The following BORCS5 variants were observed in gnomAD, a reference collection of about 807,000 sequenced individuals.
The protein encoded by BORCS5 is BLOC-1 related complex subunit 5.
In BORCS5, 17 loss-of-function variants were observed where a neutral mutation model predicts 22.1. The observed-to-expected ratio is 0.77, with a 90% CI of 0.53 to 1.15. The LOEUF (loss-of-function observed/expected upper bound fraction) is 1.15, where lower values mean the gene tolerates loss of function less well. BORCS5 is among the 50% of genes most tolerant of loss of function. The pLI is 0.00. For missense variants in BORCS5, 247 were observed against 253.2 expected, an observed-to-expected ratio of 0.98 and a Z score of 0.17; for synonymous variants, 117 against 99.8, an observed-to-expected ratio of 1.17 and a Z score of -1.03.
chr12:12,459,302 C>G (rs747949670), intron 3 of BORCS5, among the ~76,000 whole-genome samples: 2 of 151,888 alleles, frequency 1.3e-5, no homozygotes, highest in Admixed American at 6.6e-5. Flanking sequence ...TTGCATACCC[C>G]AAGGTAGCAA....
chr12:12,418,211 T>C (rs1715269224), intron 2 of BORCS5, among the ~76,000 whole-genome samples: 1 of 150,278 alleles, frequency 6.7e-6, no homozygotes, highest in Non-Finnish European at 1.5e-5. Flanking sequence ...GTTTTTTTTT[T>C]TGTTTTTTTA....
chr12:12,434,437 T>C (rs147023272), intron 2 of BORCS5, among the ~76,000 whole-genome samples: 1 of 152,322 alleles, frequency 6.6e-6, no homozygotes, highest in African/African-American at 2.4e-5. Context: ...AAGACCCTGC[T>C]AGGGAATCTC....
intron 3 of BORCS5, chr12:12,452,038 T>C (rs1252811418): frequency 7.9e-6 from 3 of 379,382 alleles, no homozygotes; most frequent in African/African-American, 4.3e-5. Context: ...TGTCCTCCTC[T>C]ATTTTTGGTA....
intron 2 of BORCS5, among the ~76,000 whole-genome samples, chr12:12,401,894 T>A (rs1467019337): frequency 2.1e-5 from 3 of 143,698 alleles, no homozygotes; most frequent in African/African-American, 5.1e-5. Context: ...CTGTCTCTAC[T>A]AAAAAAAAAA....
At chr12:12,389,675 G>A (rs1416005452) in intron 2 of BORCS5, among the ~76,000 whole-genome samples, 3 of 150,792 alleles carry the variant, frequency 2.0e-5, no homozygotes, top group African/African-American at 4.9e-5. Flanking sequence ...ACAGAGTCTC[G>A]CTCTGTCGCC....
At chr12:12,440,646 AGG>A (rs936295859) in intron 3 of BORCS5, among the ~76,000 whole-genome samples, 6 of 148,776 alleles carry the variant, frequency 4.0e-5, no homozygotes, top group Non-Finnish European at 8.9e-5. Context: ...TGAGAGGAAG[AGG>A]GGGGCATTGC....
At chr12:12,430,365 G>T (rs948238171) in intron 2 of BORCS5, among the ~76,000 whole-genome samples, 1 of 151,882 alleles carries the variant, frequency 6.6e-6, no homozygotes, top group Non-Finnish European at 1.5e-5. Flanking sequence ...GTTAGCCAGG[G>T]TGGTCTCGAT....
rs1295526214 is a variant in BORCS5, at chr12:12,411,709, GT to G, written c.203-23915del. Among the ~76,000 whole-genome samples, 4 of 152,006 alleles carry G rather than the reference GT, an allele frequency of 2.6e-5. No homozygotes were observed. In the East Asian group the frequency reaches 7.7e-4, roughly 29 times the overall value. ...TCAGTGTCATGAAACTTTTGCCTGC[GT>G]TTTCTCACTATAGGAAACTATAGTA... On this transcript the variant is annotated intron_variant, in intron 2 of 3. Transcript: ENST00000314565.
Position 12,470,139 on chromosome 12 carries a change from C to T in BORCS5, c.*4363C>T, listed in dbSNP as rs978120947. 2.6e-5 allele frequency among the ~76,000 whole-genome samples: 4 copies of T among 152,128 alleles called. No homozygotes were observed. Among genetic ancestry groups the T allele is most frequent in the South Asian group, 4.1e-4 (2 of 4,824 alleles). On this transcript the variant is annotated 3_prime_UTR_variant, in exon 4 of 4. Transcript: ENST00000314565. The stretch of plus-strand genomic sequence containing the variant: ...AGGCTGGAGTGCAGTGGCACGATCT[C>T]GGCTCACTGCAACCTCCGCCTCCCG...
intron 2 of BORCS5, among the ~76,000 whole-genome samples, chr12:12,395,907 G>C (rs1396102426): frequency 6.6e-6 from 1 of 152,048 alleles, no homozygotes; most frequent in Non-Finnish European, 1.5e-5. Context: ...TGGGTGCCAG[G>C]AATAAAAAGA....
At chr12:12,379,531 T>C (rs762405993) in intron 2 of BORCS5, among the ~76,000 whole-genome samples, 23 of 151,716 alleles carry the variant, frequency 1.5e-4, no homozygotes, top group Admixed American at 2.6e-4. Context: ...AACTAAGTTA[T>C]CTACTGAGAG....
chr12:12,415,576 A>AAGGGGGGGGGGGGGGGGG (rs1404626287), intron 2 of BORCS5, among the ~76,000 whole-genome samples: 1 of 37,878 alleles, frequency 2.6e-5, no homozygotes, highest in African/African-American at 1.0e-4. Flanking sequence ...GGGGAGGGGG[A>AAGGGGGGGGGGGGGGGGG]GGGGCGATTT....
At chr12:12,389,481 T>G (rs1863954987) in intron 2 of BORCS5, among the ~76,000 whole-genome samples, 3 of 151,540 alleles carry the variant, frequency 2.0e-5, no homozygotes, top group Admixed American at 1.3e-4. Flanking sequence ...CTAATTAGTT[T>G]TATATACCTC....
chr12:12,360,564 GA>G (rs1455514447), intron 1 of BORCS5, among the ~76,000 whole-genome samples: 10 of 117,748 alleles, frequency 8.5e-5, no homozygotes, highest in Non-Finnish European at 1.7e-5. Context: ...CTAATTAAAA[GA>G]AATTTTTTTT....
chr12:12,436,402 A>G (rs2136125947), intron 3 of BORCS5, among the ~76,000 whole-genome samples: 1 of 152,386 alleles, frequency 6.6e-6, no homozygotes, highest in Middle Eastern at 3.4e-3. Context: ...GTAAATAGGT[A>G]CTTCCTTTAA....
intron 2 of BORCS5, among the ~76,000 whole-genome samples, chr12:12,413,983 G>GC (rs1313086599): frequency 2.3e-5 from 1 of 43,842 alleles, no homozygotes; most frequent in Admixed American, 1.9e-4. Flanking sequence ...GGGCAGAGGG[G>GC]TCCTCACTTC....
At chr12:12,442,899 G>T (rs936349685) in intron 3 of BORCS5, among the ~76,000 whole-genome samples, 1 of 152,176 alleles carries the variant, frequency 6.6e-6, no homozygotes, top group Non-Finnish European at 1.5e-5. Context: ...CATCGGTACC[G>T]TAATGTTTAA....
intron 2 of BORCS5, among the ~76,000 whole-genome samples, chr12:12,386,393 C>G (rs1863880979): frequency 6.7e-6 from 1 of 148,546 alleles, no homozygotes; most frequent in Non-Finnish European, 1.5e-5. Flanking sequence ...TTAATGATAT[C>G]TTTAACACTC....
rs1213439792 is a variant in BORCS5 at position 12,357,198 on chromosome 12, AAAG to A, written c.-250_-248del. The A allele has an allele frequency of 1.1e-5, 17 of 1,513,054 alleles. No homozygotes were observed. The highest frequency in any genetic ancestry group is 2.2e-4 in the Middle Eastern group (1 of 4,482). The allele number at this position is 1,513,054 out of a possible 1,614,324, so 93.7% of individuals were successfully genotyped here. On this transcript the variant is annotated 5_prime_UTR_variant, in exon 1 of 4. Coordinates refer to ENST00000314565, the MANE Select transcript of BORCS5 (RefSeq NM_058169.6). ...CTGCCGGTTCTCTTAGGGCTCCCGGAAAGAAGGAGGGCTAGCCGCGTGCGTTCG... is the reference window on the plus strand; with the variant it reads ...CTGCCGGTTCTCTTAGGGCTCCCGGAAAGGAGGGCTAGCCGCGTGCGTTCG...
Sources: allele counts gnomAD v4.1 joint callset (sites outside exome capture counted in the v4.1 genomes callset), GRCh38; gene constraint gnomAD v4.1.1; transcripts MANE v1.5; gene names NCBI Gene and HGNC (gene_info 2026-07-23, HGNC 2026-07-21).